The following GRIK2 variants were observed in gnomAD, a reference collection of about 807,000 sequenced individuals.
GRIK2 encodes glutamate receptor ionotropic, kainate 2.
A neutral mutation model predicts 100.3 loss-of-function variants in GRIK2; 32 were observed. That is an observed-to-expected ratio of 0.32 (90% CI 0.24 to 0.43). The LOEUF (loss-of-function observed/expected upper bound fraction) is 0.43. Among genes scored for constraint, GRIK2 ranks in the 20% least tolerant of loss-of-function variants. The pLI is 1.00. For synonymous variants in GRIK2, 417 were observed against 389.4 expected (o/e 1.07, Z -0.83); for missense variants, 843 against 1,114.9 (o/e 0.76, Z 3.47).
chr6:101,437,785 T>C (rs1211831072), intron 2 of GRIK2, among the ~76,000 whole-genome samples: 1 of 152,108 alleles, frequency 6.6e-6, no homozygotes, highest in Non-Finnish European at 1.5e-5. Flanking sequence ...TACAGGGTTA[T>C]TGTAACAAGT....
chr6:101,400,464 G>A (rs894730048), intron 2 of GRIK2, among the ~76,000 whole-genome samples: 1 of 152,172 alleles, frequency 6.6e-6, no homozygotes, highest in Non-Finnish European at 1.5e-5. Flanking sequence ...AAAGCCAACA[G>A]GATAAATGCT....
At chr6:101,691,327 T>C (rs1211840558) in intron 7 of GRIK2, among the ~76,000 whole-genome samples, 2 of 149,484 alleles carry the variant, frequency 1.3e-5, no homozygotes, top group Non-Finnish European at 3.0e-5. Flanking sequence ...TGAGACAGAG[T>C]CTCGCTCTGC....
chr6:101,692,973 CTTTAT>C (rs1316104046), intron 7 of GRIK2, among the ~76,000 whole-genome samples: 1 of 151,946 alleles, frequency 6.6e-6, no homozygotes, highest in Non-Finnish European at 1.5e-5. Flanking sequence ...CACTATATTT[CTTTAT>C]TTTATGTACA....
intron 10 of GRIK2, among the ~76,000 whole-genome samples, chr6:101,827,487 C>CAA (rs113087251): frequency 6.2e-5 from 9 of 145,000 alleles, no homozygotes; most frequent in African/African-American, 2.0e-4. Flanking sequence ...CAAAACAAAA[C>CAA]AAAAAAAAAC....
chr6:101,760,024 C>G (rs937613443), intron 7 of GRIK2, among the ~76,000 whole-genome samples: 2 of 136,594 alleles, frequency 1.5e-5, no homozygotes, highest in Non-Finnish European at 3.0e-5. Flanking sequence ...CGCCCGCCAC[C>G]GCGCCCGGCT....
chr6:101,856,316 A>G (rs1028970636), intron 10 of GRIK2, among the ~76,000 whole-genome samples: 11 of 152,208 alleles, frequency 7.2e-5, no homozygotes, highest in African/African-American at 2.4e-4. Flanking sequence ...AACTGAAAAC[A>G]TGTAAAAGTT....
intron 12 of GRIK2, among the ~76,000 whole-genome samples, chr6:101,896,544 C>T (rs1212762720): frequency 6.6e-6 from 1 of 151,580 alleles, no homozygotes; most frequent in East Asian, 1.9e-4. Flanking sequence ...ATTTTTTTCA[C>T]ATAAATATAA....
At chr6:101,961,351 A>C (rs1412897572) in intron 14 of GRIK2, among the ~76,000 whole-genome samples, 1 of 149,784 alleles carries the variant, frequency 6.7e-6, no homozygotes, top group East Asian at 2.0e-4. Context: ...TGAGGGATGG[A>C]CTCCACCATT....
intron 14 of GRIK2, among the ~76,000 whole-genome samples, chr6:101,995,751 CAAATTACCTGGAGA>C (rs1475384341): frequency 6.6e-6 from 1 of 151,450 alleles, no homozygotes; most frequent in African/African-American, 2.4e-5. Flanking sequence ...ATAATCTTTC[CAAATTACCTGGAGA>C]AAATTGTATC....
intron 12 of GRIK2, among the ~76,000 whole-genome samples, chr6:101,897,009 C>T (rs545099228): frequency 3.6e-4 from 53 of 148,618 alleles, no homozygotes; most frequent in Non-Finnish European, 7.1e-4. Flanking sequence ...CACACACACA[C>T]ACACACACAC....
chr6:102,051,773 A>C (rs1164819607), intron 15 of GRIK2, among the ~76,000 whole-genome samples: 2 of 152,138 alleles, frequency 1.3e-5, no homozygotes, highest in African/African-American at 4.8e-5. Flanking sequence ...TAACAGTTTG[A>C]AAATTGACTC....
chr6:101,806,012 G>C (rs140069122), intron 9 of GRIK2, among the ~76,000 whole-genome samples: 12 of 152,090 alleles, frequency 7.9e-5, no homozygotes, highest in African/African-American at 9.6e-5. Flanking sequence ...TATTATAACA[G>C]AAGCCTTAAT....
chr6:101,946,530 A>G lies in GRIK2; in HGVS notation c.2085+17898A>G, dbSNP rs114808276. On this transcript the variant is annotated intron_variant, in intron 14 of 16. Transcript: ENST00000369134. ...TGGATTGCTGTTGAAAAAAAAAATAAGAAAAGAAACATTTTGATTTTTAAT... is the reference window on the plus strand; with the variant it reads ...TGGATTGCTGTTGAAAAAAAAAATAGGAAAAGAAACATTTTGATTTTTAAT... Among the ~76,000 whole-genome samples the G allele has an allele frequency of 4.0e-3, 604 of 152,130 alleles. 3 individuals carry two copies. Among genetic ancestry groups the G allele is most frequent in the African/African-American group, 0.014 (573 of 41,496 alleles).
chr6:101,611,396 T>C (rs139393525), intron 2 of GRIK2, among the ~76,000 whole-genome samples: 1 of 151,974 alleles, frequency 6.6e-6, no homozygotes, highest in African/African-American at 2.4e-5. Flanking sequence ...AGTGGACCTT[T>C]AACGTCTTCT....
At chr6:102,005,994 G>C (rs1795200981) in intron 14 of GRIK2, among the ~76,000 whole-genome samples, 1 of 151,862 alleles carries the variant, frequency 6.6e-6, no homozygotes, top group Admixed American at 6.6e-5. Context: ...AAAGATTCAA[G>C]CTTAGTTAGA....
At chr6:101,981,943 G>C (rs1247193293) in intron 14 of GRIK2, among the ~76,000 whole-genome samples, 1 of 151,844 alleles carries the variant, frequency 6.6e-6, no homozygotes, top group Non-Finnish European at 1.5e-5. Context: ...ATCAAAGGTA[G>C]AATAATTAGA....
intron 2 of GRIK2, among the ~76,000 whole-genome samples, chr6:101,403,376 G>A (rs998117798): frequency 3.3e-5 from 5 of 152,166 alleles, no homozygotes; most frequent in African/African-American, 1.2e-4. Flanking sequence ...TCTCTTAAAG[G>A]TTTCCCAGCA....
intron 14 of GRIK2, among the ~76,000 whole-genome samples, chr6:101,979,585 C>T (rs1793595349): frequency 6.6e-6 from 1 of 151,850 alleles, no homozygotes. Flanking sequence ...CTTAATCCCT[C>T]TTGATGGAGG....
intron 10 of GRIK2, among the ~76,000 whole-genome samples, chr6:101,845,359 T>C (rs1783747212): frequency 6.6e-6 from 1 of 152,168 alleles, no homozygotes; most frequent in Non-Finnish European, 1.5e-5. Flanking sequence ...ATCTGCTTTC[T>C]CTTTCTATGG....
Sources: allele counts gnomAD v4.1 joint callset (sites outside exome capture counted in the v4.1 genomes callset), GRCh38; gene constraint gnomAD v4.1.1; transcripts MANE v1.5; gene names NCBI Gene and HGNC (gene_info 2026-07-23, HGNC 2026-07-21).